The following CCNK variants were observed in gnomAD, a reference collection of about 807,000 sequenced individuals.
CCNK encodes cyclin-K.
A neutral mutation model predicts 65.0 loss-of-function variants in CCNK; 9 were observed. That is an observed-to-expected ratio of 0.14 (90% confidence interval 0.08 to 0.24). CCNK has a LOEUF of 0.24. Among genes scored for constraint, CCNK ranks in the 10% least tolerant of loss-of-function variants. The pLI is 1.00. For missense variants in CCNK, 474 were observed against 720.0 expected, an observed-to-expected ratio of 0.66 and a Z score of 3.91; for synonymous variants, 279 against 270.8, an observed-to-expected ratio of 1.03 and a Z score of -0.30.
At chr14:99,488,226 A>G (rs541129068) in intron 1 of CCNK, among the ~76,000 whole-genome samples, 13 of 151,926 alleles carry the variant, frequency 8.6e-5, no homozygotes, top group Non-Finnish European at 5.9e-5. Context: ...ATACCCTCTA[A>G]TATACAATTT....
rs1896314197 is a variant in CCNK at position 99,481,455 on chromosome 14, C to G, written c.-77C>G. The G allele has an allele frequency of 1.5e-5, 6 of 398,616 alleles. No individual in the cohort carries two copies. Among genetic ancestry groups the G allele is most frequent in the African/African-American group, 8.2e-5 (4 of 48,658 alleles). The allele number at this position is 398,616 out of a possible 1,614,324, so 24.7% of individuals were successfully genotyped here. Reference sequence around the variant, plus strand: ...CCGCAGTCGGCAAGGAGAGACGTCGCTGAGGGGCTTGCCTGAAGCGAGGGG... The same window carrying G: ...CCGCAGTCGGCAAGGAGAGACGTCGGTGAGGGGCTTGCCTGAAGCGAGGGG... On this transcript the variant is annotated 5_prime_UTR_variant, in exon 1 of 11. Transcript: ENST00000389879.
At chr14:99,493,393 A>G in intron 2 of CCNK, 121 bp from the exon 3 acceptor site, 1 of 571,842 alleles carries the variant, frequency 1.7e-6, no homozygotes, top group Non-Finnish European at 3.1e-6. Context: ...TTACTTTGCC[A>G]CTAATATTGT....
chr14:99,487,245 T>C (rs541255166), intron 1 of CCNK, among the ~76,000 whole-genome samples: 4 of 152,324 alleles, frequency 2.6e-5, no homozygotes, highest in African/African-American at 9.6e-5. Flanking sequence ...CAGTAGAATG[T>C]ATAGATAAAG....
At chr14:99,492,955 T>C in intron 2 of CCNK, 81 bp downstream of exon 2, 20 of 1,147,066 alleles carry the variant, frequency 1.7e-5, no homozygotes, top group Non-Finnish European at 2.4e-5. Context: ...GTAGACAAAA[T>C]ATATAGTAAT....
At chr14:99,486,664 C>T (rs1304850001) in intron 1 of CCNK, among the ~76,000 whole-genome samples, 1 of 152,198 alleles carries the variant, frequency 6.6e-6, no homozygotes. Context: ...TTTTTAGTAT[C>T]ACCCTCTGTG....
chr14:99,499,172 G>A (rs942629131), intron 4 of CCNK, among the ~76,000 whole-genome samples: 3 of 152,104 alleles, frequency 2.0e-5, no homozygotes, highest in African/African-American at 7.2e-5. Context: ...CCCAAGTAGG[G>A]GACTACAGGC....
Position 99,500,488 on chromosome 14 carries a change from CAT to C in CCNK, c.412-277_412-276del, listed in dbSNP as rs567012406. 2,366 of 327,540 alleles carry C rather than the reference CAT, an allele frequency of 7.2e-3. 14 individuals are homozygous for C. The highest frequency in any genetic ancestry group is 0.011 in the Non-Finnish European group (1,932 of 179,630). 20.3% of individuals were successfully genotyped at this position (327,540 alleles called of 1,614,324 possible). ...AAGATCTGTTTTGTAAAGGGAGACT[CAT>C]GTATGTATTGAAAATAATAATATTT... On this transcript the variant is annotated intron_variant, in intron 4 of 10. Transcript: ENST00000389879.
At chr14:99,491,992 A>C (rs1288169720) in intron 1 of CCNK, 1 of 152,174 alleles carries the variant, frequency 6.6e-6, no homozygotes, top group Non-Finnish European at 1.5e-5. Flanking sequence ...AAGAAAAGGA[A>C]GAGGATGAAA....
Position 99,507,105 on chromosome 14 carries a change from G to A in CCNK, c.1075G>A (p.Glu359Lys). The change falls in exon 10 of 11, where the codon GAG becomes AAG. Residue 359 changes from glutamate to lysine, a missense_variant. Coordinates refer to ENST00000389879, the MANE Select transcript of CCNK (RefSeq NM_001099402.2). ...EPPPPKIPKIETTHPPLPPAH... is the reference protein window; with the variant it reads ...EPPPPKIPKIKTTHPPLPPAH... ...ACCACCACCTAAAATCCCCAAAATTGAGACCACTCATCCACCGTTGCCTCC... is the reference window on the plus strand; with the variant it reads ...ACCACCACCTAAAATCCCCAAAATTAAGACCACTCATCCACCGTTGCCTCC... 6.2e-7 allele frequency: 1 copy of A among 1,612,332 alleles called. No individual in the cohort carries two copies. Among genetic ancestry groups the A allele is most frequent in the South Asian group, 1.1e-5 (1 of 91,044 alleles).
chr14:99,483,477 G>C (rs1305864043), intron 1 of CCNK, among the ~76,000 whole-genome samples: 1 of 152,222 alleles, frequency 6.6e-6, no homozygotes, highest in African/African-American at 2.4e-5. Context: ...TTGAGTCTGA[G>C]AGATCAAGGC....
chr14:99,490,957 T>A (rs575634050), intron 1 of CCNK, among the ~76,000 whole-genome samples: 1 of 152,186 alleles, frequency 6.6e-6, no homozygotes, highest in East Asian at 1.9e-4. Flanking sequence ...AGATGTCTGT[T>A]TTTTCCCCTC....
At chr14:99,503,079 A>G (rs1231303601) in intron 8 of CCNK, 95 bp downstream of exon 8, 3 of 1,397,632 alleles carry the variant, frequency 2.1e-6, no homozygotes, top group Non-Finnish European at 3.0e-6. Flanking sequence ...CACAGGGAAC[A>G]CCGGAAGCAG....
intron 1 of CCNK, chr14:99,481,731 G>T: frequency 2.7e-6 from 1 of 370,112 alleles, no homozygotes. Context: ...AGCGGCCCTC[G>T]CACTGGGGGG....
At position 99,510,803 on chromosome 14, in the gene CCNK, T is replaced by G; in HGVS notation, c.*21T>G. The G allele has an allele frequency of 7.1e-7, 1 of 1,409,388 alleles. No individual in the cohort carries two copies. Among genetic ancestry groups the G allele is most frequent in the Non-Finnish European group, 9.2e-7 (1 of 1,081,094 alleles). 87.3% of individuals were successfully genotyped at this position (1,409,388 alleles called of 1,614,324 possible). On this transcript the variant is annotated 3_prime_UTR_variant, in exon 11 of 11. Transcript: ENST00000389879. The stretch of plus-strand genomic sequence containing the variant: ...GATAACGTGAGCCTTTTTTCCCTCT[T>G]TGTTTTTTTAACAAGATTTTCTAAT...
At chr14:99,504,806 G>A (rs573256846) in intron 9 of CCNK, 1 of 152,322 alleles carries the variant, frequency 6.6e-6, no homozygotes, top group South Asian at 2.1e-4. Context: ...TTAGACACAA[G>A]AACGGGCTAC....
At position 99,502,550 on chromosome 14, in the gene CCNK, T is replaced by C. The variant is rs1408295871; in HGVS notation, c.746-169T>C. On this transcript the variant is annotated intron_variant, in intron 7 of 10. Coordinates refer to ENST00000389879, the MANE Select transcript of CCNK (RefSeq NM_001099402.2). ...TCCACTTTGTCCAAACACATACTTT[T>C]GGTAAACTAAAAATACACACCAGTG... The C allele has an allele frequency of 1.2e-5, 15 of 1,277,470 alleles. No individual in the cohort carries two copies. In the South Asian group the frequency reaches 1.9e-4, roughly 16 times the overall value. The allele number at this position is 1,277,470 out of a possible 1,614,324, so 79.1% of individuals were successfully genotyped here. A position where few individuals can be genotyped will look rare whatever the true frequency, so the allele number is the denominator to read the frequency against.
At chr14:99,503,533 G>A (rs377111669) in intron 8 of CCNK, 78 bp from the exon 9 acceptor site, 10 of 1,270,268 alleles carry the variant, frequency 7.9e-6, no homozygotes, top group Non-Finnish European at 1.1e-5. Flanking sequence ...GCTGATTCTG[G>A]TGGTACCTGG....
In CCNK at chr14:99,487,975, T is replaced by G. The variant is rs577819971; in HGVS notation, c.-52-4651T>G. Among the ~76,000 whole-genome samples the G allele has an allele frequency of 5.3e-5, 8 of 152,296 alleles. No individual in the cohort carries two copies. The East Asian group carries it at 1.5e-3, about 29-fold the overall frequency. On this transcript the variant is annotated intron_variant, in intron 1 of 10. Transcript: ENST00000389879. Reference sequence around the variant, plus strand: ...CTCATCTGACTTTTTCCCCAACTTTTTATTGTATGAAAGAATAGTGCAATG... The same window carrying G: ...CTCATCTGACTTTTTCCCCAACTTTGTATTGTATGAAAGAATAGTGCAATG...
chr14:99,485,338 C>T (rs1346625297), intron 1 of CCNK, among the ~76,000 whole-genome samples: 1 of 152,172 alleles, frequency 6.6e-6, no homozygotes, highest in Non-Finnish European at 1.5e-5. Flanking sequence ...TGCCCCTTTC[C>T]CCTCAACAGA....
Sources: gnomAD v4.1 joint callset for allele counts (sites outside exome capture counted in the v4.1 genomes callset) on GRCh38, gnomAD v4.1.1 for gene constraint, MANE v1.5 for transcripts, NCBI Gene and HGNC (gene_info 2026-07-23, HGNC 2026-07-21) for gene names.